The following MANEA variants were observed in gnomAD, a reference collection of about 807,000 sequenced individuals.
The protein encoded by MANEA is glycoprotein endo-alpha-1,2-mannosidase.
A neutral mutation model predicts 36.8 loss-of-function variants in MANEA; 25 were observed. The ratio of observed to expected loss-of-function variants is 0.68; its 90% CI spans 0.50 to 0.95. The LOEUF (loss-of-function observed/expected upper bound fraction) is 0.95, where lower values mean the gene tolerates loss of function less well. Ranked by LOEUF, MANEA falls within the 40% of genes least tolerant of loss-of-function variation. MANEA has a pLI of 0.00. For synonymous variants in MANEA, 198 were observed against 188.5 expected (o/e 1.05, Z -0.41); for missense variants, 565 against 558.8 (o/e 1.01, Z -0.11).
intron 3 of MANEA, 100 bp downstream of exon 3, chr6:95,596,946 A>G (rs1435657737): frequency 9.4e-6 from 5 of 533,558 alleles, no homozygotes; most frequent in Non-Finnish European, 1.3e-5. Context: ...AAAAATGATA[A>G]TGACTTAGAA....
rs917741201 is a variant in MANEA at position 95,595,602 on chromosome 6, G to T, written c.545-1135G>T. ...ACCTTCAATTTCTTAATTTCCATAT[G>T]CTTCTCTTTTGGTACCATTATTATT... On this transcript the variant is annotated intron_variant, in intron 2 of 4. Coordinates refer to ENST00000358812, the MANE Select transcript of MANEA (RefSeq NM_024641.4). Among the ~76,000 whole-genome samples, 8 of 152,132 alleles carry T rather than the reference G, an allele frequency of 5.3e-5. No homozygotes were observed. The South Asian group carries it at 1.7e-3, about 32-fold the overall frequency.
At chr6:95,598,998 A>G (rs118185916) in intron 3 of MANEA, among the ~76,000 whole-genome samples, 5,141 of 152,260 alleles carry the variant, frequency 0.034, 103 homozygotes, top group Non-Finnish European at 0.051. Flanking sequence ...TCATCTCTAA[A>G]ATAGAAATAG....
At chr6:95,598,900 A>G (rs1409282680) in intron 3 of MANEA, among the ~76,000 whole-genome samples, 2 of 152,204 alleles carry the variant, frequency 1.3e-5, no homozygotes, top group Non-Finnish European at 2.9e-5. Context: ...GGTTCCAATC[A>G]TATGAAATCT....
At chr6:95,585,280 AC>A (rs1385716599) in intron 1 of MANEA, among the ~76,000 whole-genome samples, 1 of 151,628 alleles carries the variant, frequency 6.6e-6, no homozygotes, top group Non-Finnish European at 1.5e-5. Flanking sequence ...ACTGTTTATA[AC>A]CTCTGTTCAG....
intron 2 of MANEA, 54 bp from the exon 3 acceptor site, chr6:95,596,683 A>G: frequency 1.1e-6 from 1 of 927,648 alleles, no homozygotes; most frequent in Non-Finnish European, 1.8e-6. Flanking sequence ...CTTTTTAAGA[A>G]TATCTGCATT....
At chr6:95,603,026 CAAAAAAAAA>C (rs67486139) in intron 3 of MANEA, among the ~76,000 whole-genome samples, 1 of 63,432 alleles carries the variant, frequency 1.6e-5, no homozygotes, top group Admixed American at 2.2e-4. Context: ...GACTCCGTCT[CAAAAAAAAA>C]AAAAAAAAAA....
chr6:95,600,708 T>A (rs2127944207), intron 3 of MANEA, among the ~76,000 whole-genome samples: 1 of 152,338 alleles, frequency 6.6e-6, no homozygotes, highest in South Asian at 2.1e-4. Context: ...TGCACATAAC[T>A]GACCACATCT....
chr6:95,586,384 T>G lies in MANEA; in HGVS notation c.-38-18T>G. The G allele has an allele frequency of 7.1e-7, 1 of 1,413,468 alleles. No individual in the cohort carries two copies. The highest frequency in any genetic ancestry group is 9.7e-7 in the Non-Finnish European group (1 of 1,033,592). The allele number at this position is 1,413,468 out of a possible 1,614,324, so 87.6% of individuals were successfully genotyped here. A position where few individuals can be genotyped will look rare whatever the true frequency, so the allele number is the denominator to read the frequency against. On this transcript the variant is annotated intron_variant, in intron 1 of 4. Transcript: ENST00000358812. The stretch of plus-strand genomic sequence containing the variant: ...TGTTGATAACACTTACTAATTATCT[T>G]TTTTCAATAAATTGCAGCAAAACAC...
intron 1 of MANEA, among the ~76,000 whole-genome samples, chr6:95,582,835 A>T (rs1361009911): frequency 1.3e-5 from 2 of 152,170 alleles, no homozygotes; most frequent in Non-Finnish European, 2.9e-5. Flanking sequence ...ATATGTGTGT[A>T]TTTATGTATA....
intron 4 of MANEA, 133 bp downstream of exon 4, chr6:95,605,036 T>C: frequency 2.6e-6 from 1 of 389,690 alleles, no homozygotes; most frequent in Non-Finnish European, 4.6e-6. Context: ...ATTAAATTGT[T>C]ATTGTAATGA....
intron 2 of MANEA, among the ~76,000 whole-genome samples, chr6:95,587,888 T>C (rs775106081): frequency 6.6e-6 from 1 of 152,068 alleles, no homozygotes; most frequent in East Asian, 1.9e-4. Flanking sequence ...CTTCCTTCTC[T>C]TACATTACAT....
At chr6:95,585,308 G>T (rs899222136) in intron 1 of MANEA, among the ~76,000 whole-genome samples, 2 of 152,048 alleles carry the variant, frequency 1.3e-5, no homozygotes, top group Non-Finnish European at 1.5e-5. Context: ...TTTCAGAGTC[G>T]TAAGTTAATT....
intron 3 of MANEA, among the ~76,000 whole-genome samples, chr6:95,603,694 T>C (rs1169406398): frequency 6.6e-6 from 1 of 152,054 alleles, no homozygotes; most frequent in African/African-American, 2.4e-5. Context: ...AAATACATCA[T>C]AGAGCCTGAA....
Position 95,605,879 on chromosome 6 carries a change from G to A in MANEA, c.863G>A (p.Arg288Gln), listed in dbSNP as rs150088429. The part of the protein sequence containing the change: ...WANLLTTSGS[R>Q]SIRNSPYDGL... ...AATCTGTTAACCACCTCAGGGTCTCGGAGTATTCGCAATTCTCCTTATGAT... is the reference window on the plus strand; with the variant it reads ...AATCTGTTAACCACCTCAGGGTCTCAGAGTATTCGCAATTCTCCTTATGAT... Residue 288 changes from arginine (R) to glutamine (Q), a missense_variant, in exon 5 of 5, where the codon CGG becomes CAG. By Grantham distance (43) the Arg-to-Gln change is conservative. Transcript: ENST00000358812. 6.8e-6 allele frequency: 11 copies of A among 1,613,794 alleles called. No individual in the cohort carries two copies. The highest frequency in any genetic ancestry group is 2.7e-5 in the African/African-American group (2 of 74,836).
At position 95,584,904 on chromosome 6, in the gene MANEA, C is replaced by A. The variant is rs184048984; in HGVS notation, c.-38-1498C>A. ...TTGAAATATTGGGGATGGGTTCCCCCGATAGAATAGAAGCAGCAGTTTGTA... is the reference window on the plus strand; with the variant it reads ...TTGAAATATTGGGGATGGGTTCCCCAGATAGAATAGAAGCAGCAGTTTGTA... On this transcript the variant is annotated intron_variant, in intron 1 of 4. Transcript: ENST00000358812. 4.1e-3 allele frequency among the ~76,000 whole-genome samples: 620 copies of A among 152,246 alleles called. 4 individuals are homozygous for A. Among genetic ancestry groups the A allele is most frequent in the African/African-American group, 0.014 (580 of 41,534 alleles).
chr6:95,582,173 CTTTTTTT>C (rs67978183), intron 1 of MANEA, among the ~76,000 whole-genome samples: 3 of 79,360 alleles, frequency 3.8e-5, no homozygotes, highest in East Asian at 3.6e-4. Context: ...GTTGTATCAT[CTTTTTTT>C]TTTTTTTTTT....
chr6:95,607,152 C>A lies in MANEA; in HGVS notation c.*747C>A, dbSNP rs1240178358. ...TGACATGTTTAGTGTTTCTGCTTTA[C>A]AGTGCTGAATTCCATATTTTAGAAG... On this transcript the variant is annotated 3_prime_UTR_variant, in exon 5 of 5. Transcript: ENST00000358812. 6.6e-6 allele frequency: 1 copy of A among 152,066 alleles called. No individual in the cohort carries two copies. The highest frequency in any genetic ancestry group is 1.5e-5 in the Non-Finnish European group (1 of 67,974). The allele number at this position is 152,066 out of a possible 1,614,324, so 9.4% of individuals were successfully genotyped here. A position where few individuals can be genotyped will look rare whatever the true frequency, so the allele number is the denominator to read the frequency against.
intron 1 of MANEA, among the ~76,000 whole-genome samples, chr6:95,585,628 G>GA (rs1283909981): frequency 6.6e-6 from 1 of 151,882 alleles, no homozygotes; most frequent in Non-Finnish European, 1.5e-5. Flanking sequence ...TGAATTTTTT[G>GA]AAAAAATTGG....
chr6:95,578,494 A>G (rs1769116710), intron 1 of MANEA, among the ~76,000 whole-genome samples: 1 of 152,208 alleles, frequency 6.6e-6, no homozygotes, highest in African/African-American at 2.4e-5. Flanking sequence ...AAACAAAAAT[A>G]TAAAGTAAAA....
Sources: allele counts gnomAD v4.1 joint callset (sites outside exome capture counted in the v4.1 genomes callset), GRCh38; gene constraint gnomAD v4.1.1; transcripts MANE v1.5; gene names NCBI Gene and HGNC (gene_info 2026-07-23, HGNC 2026-07-21).